The following ADAMTS17 variants were observed in gnomAD, a reference collection of about 807,000 sequenced individuals.
ADAMTS17 encodes the protein A disintegrin and metalloproteinase with thrombospondin motifs 17.
A neutral mutation model predicts 141.5 loss-of-function variants in ADAMTS17; 113 were observed. The ratio of observed to expected loss-of-function variants is 0.80; its 90% CI spans 0.69 to 0.93. The LOEUF is 0.93. Ranked by LOEUF, ADAMTS17 falls within the 40% of genes least tolerant of loss-of-function variation. The pLI is 0.00. For synonymous variants in ADAMTS17, 768 were observed against 630.6 expected (o/e 1.22, Z -3.27); for missense variants, 1,659 against 1,517.9 (o/e 1.09, Z -1.54).
intron 7 of ADAMTS17, among the ~76,000 whole-genome samples, chr15:100,206,321 T>A (rs923234034): frequency 5.3e-5 from 8 of 152,308 alleles, no homozygotes; most frequent in Admixed American, 2.0e-4. Context: ...GGCTCCTGTG[T>A]GTGCACTTGA....
At chr15:100,058,089 C>T (rs2032747977) in intron 15 of ADAMTS17, among the ~76,000 whole-genome samples, 2 of 151,890 alleles carry the variant, frequency 1.3e-5, no homozygotes, top group Non-Finnish European at 2.9e-5. Context: ...AGGCCTGGCA[C>T]ACTCCACCCC....
chr15:100,164,737 C>T (rs1344729233), intron 8 of ADAMTS17, among the ~76,000 whole-genome samples: 4 of 152,170 alleles, frequency 2.6e-5, no homozygotes, highest in African/African-American at 4.8e-5. Flanking sequence ...CCTTTATTCC[C>T]GTTCTTTCTC....
chr15:99,976,069 T>C lies in ADAMTS17; in HGVS notation c.3103A>G (p.Asn1035Asp). ...CCAAGGCGGGGGGAGGTGATGGTGT[T>C]GGCGTTGATCCTGTCGTTGCAGACC... ...QEVCNDRINA[N>D]TITSPRLAAL... The change falls in exon 21 of 22, where the codon AAC (asparagine) becomes GAC (aspartate). Residue 1035 changes from asparagine (N) to aspartate (D), a missense_variant. Physicochemically the swap from Asn to Asp is conservative, Grantham distance 23. Transcript: ENST00000268070. 3 of 1,551,442 alleles carry C rather than the reference T, an allele frequency of 1.9e-6. No individual in the cohort carries two copies. Among genetic ancestry groups the C allele is most frequent in the Non-Finnish European group, 1.7e-6 (2 of 1,146,860 alleles).
chr15:99,997,712 A>T lies in ADAMTS17; in HGVS notation c.2592-123T>A. On this transcript the variant is annotated intron_variant, in intron 18 of 21. Transcript: ENST00000268070. The surrounding 1 kb of genome is among the most constrained non-coding windows in gnomAD (Gnocchi z 4.7). ...GGGAGAGAGGGAGGCAGACTCAGGA[A>T]GCTTTTCAGCCAACCCTGGACATAA... 1 of 1,210,850 alleles carries T rather than the reference A, an allele frequency of 8.3e-7. No individual in the cohort carries two copies. Among genetic ancestry groups the T allele is most frequent in the Non-Finnish European group, 1.2e-6 (1 of 840,528 alleles). The allele number at this position is 1,210,850 out of a possible 1,614,324, so 75.0% of individuals were successfully genotyped here.
In ADAMTS17 at chr15:100,109,031, G is replaced by A. The variant is rs750942602; in HGVS notation, c.1974C>T (p.Cys658=). The change falls in exon 14 of 22, where the codon TGC becomes TGT. Residue 658 remains cysteine (C), a synonymous_variant. Transcript: ENST00000268070. ...CGCAGAGATCAGTCTCGTAGGGCCC[G>A]CAGGGTGTACCGTCCAGGACCCTGT... ...VADRVLDGTP[C]GPYETDLCVH... 24 of 1,613,986 alleles carry A rather than the reference G, an allele frequency of 1.5e-5. No homozygotes were observed. Among genetic ancestry groups the A allele is most frequent in the African/African-American group, 2.7e-5 (2 of 74,948 alleles).
intron 15 of ADAMTS17, among the ~76,000 whole-genome samples, chr15:100,061,982 G>A (rs1309794577): frequency 2.0e-5 from 3 of 152,276 alleles, no homozygotes; most frequent in Non-Finnish European, 4.4e-5. Flanking sequence ...TTGACCCAAT[G>A]TCCTTTGATG....
At chr15:100,151,118 C>A (rs764481293) in intron 10 of ADAMTS17, among the ~76,000 whole-genome samples, 6 of 152,172 alleles carry the variant, frequency 3.9e-5, no homozygotes, top group Non-Finnish European at 7.4e-5. Context: ...GTCCTTCAAC[C>A]CTGCTGCTGG....
At chr15:100,146,999 C>CGGTCCTGT (rs1041001511) in intron 10 of ADAMTS17, among the ~76,000 whole-genome samples, 2 of 152,262 alleles carry the variant, frequency 1.3e-5, no homozygotes, top group East Asian at 1.9e-4. Flanking sequence ...AATTTCACCC[C>CGGTCCTGT]GGTCCTGTGG....
At chr15:99,975,357 A>C (rs2573653) in intron 21 of ADAMTS17, among the ~76,000 whole-genome samples, 9 of 151,734 alleles carry the variant, frequency 5.9e-5, no homozygotes, top group African/African-American at 2.2e-4. Flanking sequence ...CTACAGGCAC[A>C]CGCCACCACG....
chr15:100,203,361 T>C (rs1024522550), intron 7 of ADAMTS17, among the ~76,000 whole-genome samples: 1 of 151,932 alleles, frequency 6.6e-6, no homozygotes, highest in African/African-American at 2.4e-5. Context: ...TCGCCTGAGG[T>C]CAGGAGTTCA....
intron 10 of ADAMTS17, among the ~76,000 whole-genome samples, chr15:100,138,642 C>T (rs1201326782): frequency 2.6e-5 from 4 of 152,118 alleles, no homozygotes; most frequent in African/African-American, 9.7e-5. Flanking sequence ...TCCGAAGAAC[C>T]AAGTGAGAAA....
intron 3 of ADAMTS17, among the ~76,000 whole-genome samples, chr15:100,292,342 G>A (rs1419035199): frequency 1.3e-4 from 19 of 150,082 alleles, no homozygotes; most frequent in African/African-American, 4.2e-4. Context: ...GTGGAATTAC[G>A]AGAGACACTC....
In ADAMTS17 at chr15:100,341,099, A is replaced by G; in HGVS notation, c.390T>C (p.Arg130=). The G allele has an allele frequency of 2.0e-6, 3 of 1,515,576 alleles. No individual in the cohort carries two copies. The South Asian group carries it at 3.6e-5, about 18-fold the overall frequency. 93.9% of individuals were successfully genotyped at this position (1,515,576 alleles called of 1,614,324 possible). ...CGAGGGAGCCGGGGTGGCCGAGCAC[A>G]CGGCCCGAGTAGAAGCACAGCTCGG... ...RPAELCFYSG[R]VLGHPGSLVS... Residue 130 remains arginine, a synonymous_variant, in exon 2 of 22, where the codon CGT becomes CGC. Transcript: ENST00000268070.
rs142112505 is a variant in ADAMTS17, at chr15:99,971,762, G to T, written c.*2640C>A. ...GCACCAATAAAAATAGCACCGTAGG[G>T]TCGTGAGACTCTGGTAACACGTGCG... On this transcript the variant is annotated 3_prime_UTR_variant, in exon 22 of 22. Transcript: ENST00000268070. 3 of 152,364 alleles carry T rather than the reference G, an allele frequency of 2.0e-5. No individual in the cohort carries two copies. Among genetic ancestry groups the T allele is most frequent in the African/African-American group, 7.2e-5 (3 of 41,580 alleles). 9.4% of individuals were successfully genotyped at this position (152,364 alleles called of 1,614,324 possible).
intron 10 of ADAMTS17, among the ~76,000 whole-genome samples, chr15:100,136,066 C>T (rs1338071233): frequency 2.6e-5 from 4 of 152,162 alleles, no homozygotes; most frequent in Non-Finnish European, 1.5e-5. Context: ...CCCAGCAATT[C>T]GAATCCTAAG....
intron 15 of ADAMTS17, among the ~76,000 whole-genome samples, chr15:100,068,806 C>G (rs1242590203): frequency 6.6e-6 from 1 of 152,170 alleles, no homozygotes; most frequent in Non-Finnish European, 1.5e-5. Context: ...TGGGGAAAAA[C>G]AGAGCAGAAA....
At chr15:100,217,467 T>TGG (rs1466642200) in intron 7 of ADAMTS17, among the ~76,000 whole-genome samples, 2 of 151,940 alleles carry the variant, frequency 1.3e-5, no homozygotes, top group Admixed American at 6.6e-5. Context: ...GGCGTGGTGG[T>TGG]GGGTGCCTAT....
intron 13 of ADAMTS17, among the ~76,000 whole-genome samples, chr15:100,115,851 T>G (rs187410013): frequency 6.6e-6 from 1 of 152,278 alleles, no homozygotes; most frequent in Admixed American, 6.5e-5. Context: ...GCGGTCTGTC[T>G]TCTTCAAGTG....
At chr15:100,139,552 A>G (rs558709463) in intron 10 of ADAMTS17, among the ~76,000 whole-genome samples, 100 of 152,352 alleles carry the variant, frequency 6.6e-4, no homozygotes, top group Non-Finnish European at 8.8e-4. Context: ...GAGGTTGGGA[A>G]ACGGCTACAG....
Sources: allele counts gnomAD v4.1 joint callset (sites outside exome capture counted in the v4.1 genomes callset), GRCh38; gene constraint gnomAD v4.1.1; non-coding constraint Gnocchi (gnomAD v3.1); transcripts MANE v1.5; gene names NCBI Gene and HGNC (gene_info 2026-07-23, HGNC 2026-07-21).